CSMD1: variants seen among roughly 807,000 people sequenced by gnomAD.
The protein encoded by CSMD1 is CUB and sushi domain-containing protein 1.
Under a neutral mutation model 417.5 loss-of-function variants are expected in CSMD1, and 213 were observed. That is an observed-to-expected ratio of 0.51 (90% CI 0.46 to 0.57). The LOEUF (loss-of-function observed/expected upper bound fraction) is 0.57. Among genes scored for constraint, CSMD1 ranks in the 20% least tolerant of loss-of-function variants. The pLI, the probability that CSMD1 is intolerant of heterozygous loss-of-function variation, is 0.00. For missense variants in CSMD1, 6,923 were observed against 4,529.7 expected, an observed-to-expected ratio of 1.53 and a Z score of -15.17; for synonymous variants, 2,862 against 1,736.8, an observed-to-expected ratio of 1.65 and a Z score of -16.11.
At chr8:4,063,650 C>T (rs935842411) in intron 3 of CSMD1, among the ~76,000 whole-genome samples, 53 of 152,206 alleles carry the variant, frequency 3.5e-4, no homozygotes, top group African/African-American at 1.3e-3. Flanking sequence ...TCAGGTGCTG[C>T]CTCCCTGAGG....
At chr8:4,782,556 G>C (rs575377370) in intron 1 of CSMD1, among the ~76,000 whole-genome samples, 4 of 152,150 alleles carry the variant, frequency 2.6e-5, no homozygotes, top group Non-Finnish European at 4.4e-5. Context: ...TTTTAGTTTT[G>C]TGCCACTGAG....
At chr8:4,865,423 G>C (rs1802369622) in intron 1 of CSMD1, among the ~76,000 whole-genome samples, 1 of 151,570 alleles carries the variant, frequency 6.6e-6, no homozygotes, top group South Asian at 2.1e-4. Flanking sequence ...AGCTTCAATA[G>C]GTTGTCATTT....
At chr8:4,735,698 T>A (rs189919235) in intron 1 of CSMD1, among the ~76,000 whole-genome samples, 1 of 152,208 alleles carries the variant, frequency 6.6e-6, no homozygotes, top group East Asian at 1.9e-4. Flanking sequence ...ACACTTGACA[T>A]CTTCTTGCTT....
intron 3 of CSMD1, among the ~76,000 whole-genome samples, chr8:4,213,675 G>A (rs996296833): frequency 6.6e-6 from 1 of 152,200 alleles, no homozygotes; most frequent in Non-Finnish European, 1.5e-5. Context: ...GATGAAAGCA[G>A]CCATGGGCCC....
At chr8:4,793,437 A>T (rs969152095) in intron 1 of CSMD1, among the ~76,000 whole-genome samples, 3 of 151,844 alleles carry the variant, frequency 2.0e-5, no homozygotes, top group African/African-American at 7.3e-5. Flanking sequence ...CCAGCTCTTT[A>T]TCACTTTCTC....
At position 4,633,533 on chromosome 8, in the gene CSMD1, G is replaced by C. The variant is rs370895474; in HGVS notation, c.302+3809C>G. ...CAAAGTGCTGGGATTACAGGTAAGA[G>C]CCGCCATGCCAGGCCTACTTCCTTT... On this transcript the variant is annotated intron_variant, in intron 2 of 69. Transcript: ENST00000635120. Among the ~76,000 whole-genome samples, 334 of 151,552 alleles carry C rather than the reference G, an allele frequency of 2.2e-3. 1 individual carries two copies. The highest frequency in any genetic ancestry group is 7.6e-3 in the African/African-American group (312 of 41,318).
chr8:3,000,885 T>C (rs58351930), intron 52 of CSMD1, among the ~76,000 whole-genome samples: 3,170 of 152,264 alleles, frequency 0.021, 100 homozygotes, highest in African/African-American at 0.071. Flanking sequence ...ATGTAGATAG[T>C]AAAACAATTG....
intron 52 of CSMD1, among the ~76,000 whole-genome samples, chr8:3,015,000 G>A (rs1176976636): frequency 2.6e-5 from 4 of 151,636 alleles, no homozygotes; most frequent in East Asian, 1.9e-4. Context: ...ATTACACACC[G>A]TATGTGTGTA....
At chr8:4,137,238 C>G (rs12114992) in intron 3 of CSMD1, among the ~76,000 whole-genome samples, 214 of 152,288 alleles carry the variant, frequency 1.4e-3, no homozygotes, top group African/African-American at 5.0e-3. Flanking sequence ...TCCATGATGC[C>G]TCTTTTCTGG....
chr8:3,418,326 T>C (rs898125085), intron 12 of CSMD1, among the ~76,000 whole-genome samples: 1 of 151,906 alleles, frequency 6.6e-6, no homozygotes, highest in African/African-American at 2.4e-5. Context: ...ACCATGAGAG[T>C]ATAGATTTTC....
chr8:4,183,955 A>C (rs4875302), intron 3 of CSMD1, among the ~76,000 whole-genome samples: 90,865 of 151,888 alleles, frequency 0.6, 28,127 homozygotes, highest in South Asian at 0.77. Flanking sequence ...ACTGCTCCTG[A>C]GAACACAGAA....
At chr8:3,315,663 G>A (rs1048445431) in intron 23 of CSMD1, among the ~76,000 whole-genome samples, 1 of 148,686 alleles carries the variant, frequency 6.7e-6, no homozygotes, top group Non-Finnish European at 1.5e-5. Context: ...AATAGCAATA[G>A]CAAACAGGTT....
chr8:4,872,404 T>C (rs1304898393), intron 1 of CSMD1, among the ~76,000 whole-genome samples: 1 of 152,002 alleles, frequency 6.6e-6, no homozygotes, highest in African/African-American at 2.4e-5. Flanking sequence ...GATGCTGCTC[T>C]CATGATAGCA....
intron 6 of CSMD1, among the ~76,000 whole-genome samples, chr8:3,709,530 G>A (rs1275478739): frequency 6.6e-6 from 1 of 151,952 alleles, no homozygotes. Context: ...ATTAACATTT[G>A]AATCAGCTGA....
At chr8:3,795,236 T>TC (rs1799998571) in intron 5 of CSMD1, among the ~76,000 whole-genome samples, 1 of 111,784 alleles carries the variant, frequency 8.9e-6, no homozygotes, top group African/African-American at 3.9e-5. Flanking sequence ...TATAGATATA[T>TC]ATCTATCATG....
At chr8:4,632,831 T>C (rs555873027) in intron 2 of CSMD1, among the ~76,000 whole-genome samples, 6 of 152,284 alleles carry the variant, frequency 3.9e-5, no homozygotes, top group Non-Finnish European at 7.3e-5. Context: ...GAAAGACGCA[T>C]ACTATTCAGA....
intron 38 of CSMD1, among the ~76,000 whole-genome samples, chr8:3,160,612 G>T (rs1819825591): frequency 6.6e-6 from 1 of 152,100 alleles, no homozygotes; most frequent in Non-Finnish European, 1.5e-5. Flanking sequence ...TACAATTATT[G>T]TGGTACCCAC....
intron 1 of CSMD1, among the ~76,000 whole-genome samples, chr8:4,830,030 G>A (rs1230687583): frequency 7.9e-5 from 12 of 152,152 alleles, no homozygotes; most frequent in African/African-American, 2.7e-4. Flanking sequence ...CCTTCTCTAA[G>A]GCACTAATCA....
At chr8:4,502,006 G>C (rs900541166) in intron 2 of CSMD1, among the ~76,000 whole-genome samples, 1 of 152,076 alleles carries the variant, frequency 6.6e-6, no homozygotes, top group African/African-American at 2.4e-5. Context: ...GCAAGACTCA[G>C]GCTCTAACCT....
Sources: allele counts gnomAD v4.1 joint callset (sites outside exome capture counted in the v4.1 genomes callset), GRCh38; gene constraint gnomAD v4.1.1; transcripts MANE v1.5; gene names NCBI Gene and HGNC (gene_info 2026-07-23, HGNC 2026-07-21).